DCLK1: variants seen among roughly 807,000 people sequenced by gnomAD.
DCLK1 encodes doublecortin like kinase 1, also known as serine/threonine-protein kinase DCLK1.
A neutral mutation model predicts 86.2 loss-of-function variants in DCLK1; 16 were observed. The ratio of observed to expected loss-of-function variants is 0.19; its 90% CI spans 0.13 to 0.28. The LOEUF is 0.28. Ranked by LOEUF, DCLK1 falls within the 10% of genes least tolerant of loss-of-function variation. The pLI, the probability that DCLK1 is intolerant of heterozygous loss-of-function variation, is 1.00. For synonymous variants in DCLK1, 369 were observed against 370.5 expected, an observed-to-expected ratio of 1.00 and a Z score of 0.05; for missense variants, 590 against 940.2, an observed-to-expected ratio of 0.63 and a Z score of 4.87.
intron 3 of DCLK1, among the ~76,000 whole-genome samples, chr13:35,979,402 G>T (rs920927802): frequency 1.3e-5 from 2 of 152,176 alleles, no homozygotes; most frequent in African/African-American, 4.8e-5. Flanking sequence ...TGTGAATGGG[G>T]TGAGGCGCAG....
intron 6 of DCLK1, chr13:35,850,812 G>T: frequency 1.3e-6 from 2 of 1,543,106 alleles, no homozygotes; most frequent in South Asian, 1.3e-5. Flanking sequence ...TTGTTTACTC[G>T]GCTTTCTTGG....
At chr13:35,963,886 G>A (rs950669356) in intron 3 of DCLK1, among the ~76,000 whole-genome samples, 1 of 152,170 alleles carries the variant, frequency 6.6e-6, no homozygotes, top group Non-Finnish European at 1.5e-5. Context: ...AGAACTCTGA[G>A]TCAACTAAAC....
chr13:35,982,440 G>T (rs1879703410), intron 3 of DCLK1, among the ~76,000 whole-genome samples: 3 of 53,432 alleles, frequency 5.6e-5, no homozygotes, highest in South Asian at 1.8e-3. Flanking sequence ...GAGGGGGAGG[G>T]AGGGAGGGAG....
chr13:35,792,949 A>G (rs1166958581), intron 16 of DCLK1, among the ~76,000 whole-genome samples: 1 of 152,174 alleles, frequency 6.6e-6, no homozygotes, highest in Non-Finnish European at 1.5e-5. Flanking sequence ...TAGGTCTAGT[A>G]TCAAGATCTA....
Position 36,003,693 on chromosome 13 carries a change from A to G in DCLK1, c.724-56236T>C, listed in dbSNP as rs1296197959. ...TATTGATTGAAAAACTACACAATAT[A>G]TGGATAAGTCAAAGGTTACAAAAGG... On this transcript the variant is annotated intron_variant, in intron 3 of 16. Coordinates refer to ENST00000360631, the MANE Select transcript of DCLK1 (RefSeq NM_001330071.2). Among the ~76,000 whole-genome samples the G allele has an allele frequency of 2.0e-5, 3 of 152,352 alleles. No homozygotes were observed. In the East Asian group the frequency reaches 5.8e-4, roughly 29 times the overall value.
intron 10 of DCLK1, among the ~76,000 whole-genome samples, chr13:35,823,405 T>C (rs1364533008): frequency 2.0e-5 from 3 of 151,790 alleles, no homozygotes; most frequent in Non-Finnish European, 4.4e-5. Flanking sequence ...ACACTAGATT[T>C]AGCTCTCTGA....
At chr13:36,007,761 G>A (rs915933565) in intron 3 of DCLK1, among the ~76,000 whole-genome samples, 1 of 152,078 alleles carries the variant, frequency 6.6e-6, no homozygotes, top group African/African-American at 2.4e-5. Context: ...AAATCTATAA[G>A]CCATTGCTGT....
chr13:35,871,242 G>A lies in DCLK1; in HGVS notation c.922C>T (p.Pro308Ser), dbSNP rs1455927173. The change falls in exon 5 of 17, where the codon CCT becomes TCT. Residue 308 changes from proline (P) to serine (S), a missense_variant. Physicochemically the swap from Pro to Ser is moderately conservative, Grantham distance 74. Coordinates refer to ENST00000360631, the MANE Select transcript of DCLK1 (RefSeq NM_001330071.2). Reference protein sequence around the residue: ...SPGPSRRSKSPASTSSVNGTP... With the variant: ...SPGPSRRSKSSASTSSVNGTP... ...GCTTTACCTGAGCTGGTGGAGGCAGGGGACTTGCTACGCCTGGACGGTCCT... is the reference window on the plus strand; with the variant it reads ...GCTTTACCTGAGCTGGTGGAGGCAGAGGACTTGCTACGCCTGGACGGTCCT... The A allele has an allele frequency of 3.7e-6, 6 of 1,613,512 alleles. No homozygotes were observed. The highest frequency in any genetic ancestry group is 5.1e-6 in the Non-Finnish European group (6 of 1,179,766).
chr13:35,825,836 G>A (rs1191153263), intron 10 of DCLK1, among the ~76,000 whole-genome samples: 1 of 149,698 alleles, frequency 6.7e-6, no homozygotes, highest in African/African-American at 2.5e-5. Flanking sequence ...TTTTGAGACA[G>A]AGTTTCGCTC....
chr13:36,126,219 T>TTTTTG, intron 1 of DCLK1, 63 bp from the exon 2 acceptor site: 16 of 1,237,726 alleles, frequency 1.3e-5, no homozygotes, highest in South Asian at 2.6e-5. Context: ...ATATATATAT[T>TTTTTG]TTTTTGTTTT....
At chr13:35,794,307 A>T (rs1407751016) in intron 15 of DCLK1, among the ~76,000 whole-genome samples, 1 of 151,650 alleles carries the variant, frequency 6.6e-6, no homozygotes, top group Admixed American at 6.6e-5. Context: ...GGCACATATT[A>T]GATGCTCAAT....
intron 3 of DCLK1, among the ~76,000 whole-genome samples, chr13:35,959,971 T>C (rs1029579296): frequency 1.3e-5 from 2 of 151,756 alleles, no homozygotes; most frequent in African/African-American, 4.8e-5. Flanking sequence ...TGGGAAAGGG[T>C]TGTGTTAGTC....
intron 4 of DCLK1, among the ~76,000 whole-genome samples, chr13:35,928,693 A>G (rs1876260193): frequency 6.6e-6 from 1 of 152,222 alleles, no homozygotes; most frequent in African/African-American, 2.4e-5. Context: ...TGCTAAGAGC[A>G]GTGCCTGCCC....
chr13:36,040,974 C>G, intron 3 of DCLK1, among the ~76,000 whole-genome samples: 1 of 152,000 alleles, frequency 6.6e-6, no homozygotes, highest in East Asian at 1.9e-4. Context: ...TACTTTTTGG[C>G]ACTATAAGAT....
At chr13:36,099,103 T>G (rs1469029869) in intron 3 of DCLK1, among the ~76,000 whole-genome samples, 1 of 151,768 alleles carries the variant, frequency 6.6e-6, no homozygotes, top group Non-Finnish European at 1.5e-5. Context: ...GAGTAGCTGG[T>G]ATTACAGGTG....
intron 3 of DCLK1, among the ~76,000 whole-genome samples, chr13:35,980,709 C>T (rs1235769772): frequency 6.6e-6 from 1 of 152,138 alleles, no homozygotes; most frequent in East Asian, 1.9e-4. Flanking sequence ...GATCATCAGG[C>T]ATTAGATTCT....
At chr13:35,829,207 T>C (rs952859125) in intron 8 of DCLK1, among the ~76,000 whole-genome samples, 2 of 152,198 alleles carry the variant, frequency 1.3e-5, no homozygotes, top group Non-Finnish European at 2.9e-5. Flanking sequence ...AGGAAGGATT[T>C]AGTCGTATCG....
rs898045682 is a variant in DCLK1, at chr13:35,802,967, T to A, written c.1944+2732A>T. On this transcript the variant is annotated intron_variant, in intron 15 of 16. Transcript: ENST00000360631. ...GGTACCATGACCTGGGTAAGTGAGTTTGGAAAGGTTGCTGACTTGTATTAG... is the reference window on the plus strand; with the variant it reads ...GGTACCATGACCTGGGTAAGTGAGTATGGAAAGGTTGCTGACTTGTATTAG... 5.3e-5 allele frequency among the ~76,000 whole-genome samples: 8 copies of A among 152,178 alleles called. No homozygotes were observed. In the East Asian group the frequency reaches 1.5e-3, roughly 29 times the overall value.
rs1280003457 is a variant in DCLK1 at position 35,769,350 on chromosome 13, G to A, written c.*5185C>T. The A allele has an allele frequency of 4.6e-5, 7 of 152,054 alleles. No individual in the cohort carries two copies. Among genetic ancestry groups the A allele is most frequent in the South Asian group, 2.1e-4 (1 of 4,812 alleles). 9.4% of individuals were successfully genotyped at this position (152,054 alleles called of 1,614,324 possible). ...TTGTTTAAATGCGCCAAGTCCCTAC[G>A]CACCTTTTTAGTATGTATGAGCAAA... is the stretch of plus-strand genomic sequence containing the variant. On this transcript the variant is annotated 3_prime_UTR_variant, in exon 17 of 17. Coordinates refer to ENST00000360631, the MANE Select transcript of DCLK1 (RefSeq NM_001330071.2).
Sources: gnomAD v4.1 joint callset for allele counts (sites outside exome capture counted in the v4.1 genomes callset) on GRCh38, gnomAD v4.1.1 for gene constraint, MANE v1.5 for transcripts, NCBI Gene and HGNC (gene_info 2026-07-23, HGNC 2026-07-21) for gene names.